PIBF1: variants seen among roughly 807,000 people sequenced by gnomAD.
PIBF1 encodes the protein progesterone-induced-blocking factor 1.
In PIBF1, 90 loss-of-function variants were observed where a neutral mutation model predicts 112.5. The observed-to-expected ratio is 0.80, with a 90% CI of 0.67 to 0.95. The LOEUF (loss-of-function observed/expected upper bound fraction) is 0.95, where lower values mean the gene tolerates loss of function less well. PIBF1 is among the 40% of genes least tolerant of loss of function. The probability of loss-of-function intolerance (pLI) is 0.00; values close to 1 mark genes in which losing one functional copy is unlikely to be tolerated. For synonymous variants in PIBF1, 301 were observed against 288.6 expected, an observed-to-expected ratio of 1.04 and a Z score of -0.44; for missense variants, 915 against 852.3, an observed-to-expected ratio of 1.07 and a Z score of -0.92.
chr13:72,876,715 A>G (rs886668760), intron 10 of PIBF1, among the ~76,000 whole-genome samples: 14 of 152,110 alleles, frequency 9.2e-5, no homozygotes, highest in African/African-American at 3.4e-4. Flanking sequence ...TTAACTGGAA[A>G]TTCCACTTGT....
At chr13:72,998,752 A>T (rs2043761263) in intron 16 of PIBF1, 70 bp from the exon 17 acceptor site, 2 of 980,214 alleles carry the variant, frequency 2.0e-6, no homozygotes, top group East Asian at 5.3e-5. Flanking sequence ...AAATATTTTA[A>T]TATTAATCAT....
intron 16 of PIBF1, among the ~76,000 whole-genome samples, chr13:72,994,626 G>A (rs1246707506): frequency 6.6e-6 from 1 of 152,164 alleles, no homozygotes. Context: ...GAAGAGGAAA[G>A]TAGAATCAAA....
chr13:72,932,290 A>G (rs2041736816), intron 14 of PIBF1, among the ~76,000 whole-genome samples: 1 of 152,188 alleles, frequency 6.6e-6, no homozygotes, highest in African/African-American at 2.4e-5. Flanking sequence ...TCTTATAACA[A>G]AGGGTTTTTT....
intron 14 of PIBF1, among the ~76,000 whole-genome samples, chr13:72,958,976 C>A (rs535855705): frequency 6.6e-6 from 1 of 151,954 alleles, no homozygotes; most frequent in Non-Finnish European, 1.5e-5. Context: ...TAGTAGGACC[C>A]AAAAATCACT....
rs1421191045 is a variant in PIBF1 at position 72,854,064 on chromosome 13, C to T, written c.1231C>T (p.Arg411Ter). Residue 411 changes from arginine to a stop codon, truncating the protein, a stop_gained, in exon 10 of 18, where the codon CGA becomes TGA. Coordinates refer to ENST00000326291, the MANE Select transcript of PIBF1 (RefSeq NM_006346.4). LOFTEE classifies it high-confidence loss of function. ...TCCATGTTTAAAATTTAGAAATCTC[C>T]GAGAAGCAAGGGATAATGCTGTGGC... ...EMYERENRNL[R>*]EARDNAVAEK... 29 of 1,607,984 alleles carry T rather than the reference C, an allele frequency of 1.8e-5. No individual in the cohort carries two copies. Among genetic ancestry groups the T allele is most frequent in the African/African-American group, 2.7e-5 (2 of 74,688 alleles).
At chr13:72,976,438 T>A (rs1394580592) in intron 16 of PIBF1, among the ~76,000 whole-genome samples, 2 of 152,206 alleles carry the variant, frequency 1.3e-5, no homozygotes, top group Non-Finnish European at 2.9e-5. Flanking sequence ...TTATTACTGG[T>A]ATTTGTATGG....
chr13:72,932,534 T>C (rs1387867027), intron 14 of PIBF1, among the ~76,000 whole-genome samples: 1 of 152,162 alleles, frequency 6.6e-6, no homozygotes, highest in African/African-American at 2.4e-5. Flanking sequence ...CCAAGAGGGA[T>C]ATGAGGGAGA....
chr13:72,936,982 T>C (rs1408980046), intron 14 of PIBF1, among the ~76,000 whole-genome samples: 1 of 152,208 alleles, frequency 6.6e-6, no homozygotes, highest in Admixed American at 6.5e-5. Context: ...TAGTTTTCAC[T>C]GTATAACTAA....
intron 13 of PIBF1, among the ~76,000 whole-genome samples, chr13:72,927,945 G>GTGTATATATATA (rs1555316839): frequency 1.1e-5 from 1 of 87,854 alleles, no homozygotes; most frequent in African/African-American, 5.8e-5. Context: ...ATATATGTGT[G>GTGTATATATATA]TATATATATA....
intron 3 of PIBF1, among the ~76,000 whole-genome samples, chr13:72,793,397 A>C (rs1004245331): frequency 6.6e-6 from 1 of 152,080 alleles, no homozygotes; most frequent in East Asian, 1.9e-4. Context: ...CTCAAACTTT[A>C]GCATGTATCA....
chr13:72,841,112 C>T (rs763342822), intron 9 of PIBF1, among the ~76,000 whole-genome samples: 1 of 152,152 alleles, frequency 6.6e-6, no homozygotes, highest in African/African-American at 2.4e-5. Context: ...TATTTAGATA[C>T]ATCAAACATA....
At chr13:72,909,781 T>C (rs1433456268) in intron 12 of PIBF1, among the ~76,000 whole-genome samples, 1 of 152,172 alleles carries the variant, frequency 6.6e-6, no homozygotes, top group Non-Finnish European at 1.5e-5. Flanking sequence ...CGTGAGCCAC[T>C]GTGCCCAGCC....
At chr13:72,795,656 C>T (rs896089413) in intron 4 of PIBF1, 99 bp downstream of exon 4, 9 of 734,620 alleles carry the variant, frequency 1.2e-5, no homozygotes, top group Non-Finnish European at 2.0e-5. Flanking sequence ...CCAATTGATA[C>T]ATTATTTTAT....
At chr13:72,877,912 G>A (rs1304605193) in intron 10 of PIBF1, among the ~76,000 whole-genome samples, 4 of 151,830 alleles carry the variant, frequency 2.6e-5, no homozygotes, top group Non-Finnish European at 5.9e-5. Flanking sequence ...ACCACGCCTG[G>A]TTAATTTTGT....
intron 9 of PIBF1, among the ~76,000 whole-genome samples, chr13:72,850,848 A>T (rs767037847): frequency 2.0e-5 from 3 of 152,220 alleles, no homozygotes; most frequent in Admixed American, 6.5e-5. Context: ...TCAGGATGAC[A>T]TCTGAAAATA....
At chr13:72,952,038 T>C (rs1204614270) in intron 14 of PIBF1, among the ~76,000 whole-genome samples, 2 of 79,078 alleles carry the variant, frequency 2.5e-5, no homozygotes, top group Admixed American at 2.0e-4. Flanking sequence ...CTTTTCTCTT[T>C]TTTTTTTTTT....
chr13:72,931,938 CTTTTTTT>C (rs59274277), intron 14 of PIBF1, among the ~76,000 whole-genome samples: 5 of 100,836 alleles, frequency 5.0e-5, no homozygotes, highest in African/African-American at 1.9e-4. Flanking sequence ...TTGTTTCTTT[CTTTTTTT>C]TTTTTTTTTT....
intron 2 of PIBF1, among the ~76,000 whole-genome samples, chr13:72,785,409 A>G (rs912515719): frequency 7.9e-5 from 12 of 152,128 alleles, no homozygotes; most frequent in Admixed American, 3.3e-4. Flanking sequence ...GTGCCCAGCT[A>G]TTTCTTAAAT....
Position 72,793,552 on chromosome 13 carries a change from G to C in PIBF1, c.353+1005G>C, listed in dbSNP as rs185961878. Among the ~76,000 whole-genome samples, 199 of 152,270 alleles carry C rather than the reference G, an allele frequency of 1.3e-3. 1 individual carries two copies. Among genetic ancestry groups the C allele is most frequent in the Non-Finnish European group, 2.3e-3 (154 of 68,002 alleles). On this transcript the variant is annotated intron_variant, in intron 3 of 17. Coordinates refer to ENST00000326291, the MANE Select transcript of PIBF1 (RefSeq NM_006346.4). ...TGCTGGTCCAGAAACAATACTTTGA[G>C]AACCACTGCATTTGATAATAGGTCT...
Sources: gnomAD v4.1 joint callset for allele counts (sites outside exome capture counted in the v4.1 genomes callset) on GRCh38, gnomAD v4.1.1 for gene constraint, MANE v1.5 for transcripts, NCBI Gene and HGNC (gene_info 2026-07-23, HGNC 2026-07-21) for gene names.